Variants in SDK1 observed in about 807,000 individuals in gnomAD.
The protein encoded by SDK1 is sidekick cell adhesion molecule 1.
A neutral mutation model predicts 245.5 loss-of-function variants in SDK1; 157 were observed. The ratio of observed to expected loss-of-function variants is 0.64; its 90% CI spans 0.56 to 0.73. The LOEUF is 0.73. Among genes scored for constraint, SDK1 ranks in the 30% least tolerant of loss-of-function variants. The pLI, the probability that SDK1 is intolerant of heterozygous loss-of-function variation, is 0.00. For missense variants in SDK1, 3,583 were observed against 3,002.3 expected (o/e 1.19, Z -4.52); for synonymous variants, 1,647 against 1,278.5 (o/e 1.29, Z -6.15).
chr7:3,471,714 CAG>C (rs1781188743), intron 1 of SDK1, among the ~76,000 whole-genome samples: 3 of 152,270 alleles, frequency 2.0e-5, no homozygotes, highest in Middle Eastern at 3.4e-3. Context: ...TGTAAAGAAA[CAG>C]AGAAAATACT....
chr7:4,020,924 C>A (rs1583851118), intron 17 of SDK1, among the ~76,000 whole-genome samples: 1 of 152,230 alleles, frequency 6.6e-6, no homozygotes, highest in Non-Finnish European at 1.5e-5. Flanking sequence ...AGACATCACA[C>A]ACATGCCAGC....
chr7:3,596,596 A>C (rs1375827186), intron 1 of SDK1, among the ~76,000 whole-genome samples: 1 of 152,216 alleles, frequency 6.6e-6, no homozygotes, highest in Non-Finnish European at 1.5e-5. Flanking sequence ...AAGTTCCCTC[A>C]GGCCCTTCCA....
intron 5 of SDK1, among the ~76,000 whole-genome samples, chr7:3,847,422 C>T (rs527804376): frequency 2.5e-4 from 38 of 152,186 alleles, no homozygotes; most frequent in African/African-American, 8.2e-4. Context: ...TAGTATTTAC[C>T]GAGGCCTTTA....
At chr7:4,111,300 GATT>G (rs1453733907) in intron 23 of SDK1, among the ~76,000 whole-genome samples, 3 of 152,188 alleles carry the variant, frequency 2.0e-5, no homozygotes, top group Non-Finnish European at 2.9e-5. Flanking sequence ...AGGGTAGGGT[GATT>G]ATGAGCTGTT....
chr7:3,570,717 G>A (rs1780087923), intron 1 of SDK1, among the ~76,000 whole-genome samples: 1 of 152,172 alleles, frequency 6.6e-6, no homozygotes, highest in South Asian at 2.1e-4. Flanking sequence ...CTCACGTAAC[G>A]AGGCCTGTGA....
At chr7:3,880,543 C>CTT (rs5882008) in intron 5 of SDK1, among the ~76,000 whole-genome samples, 1,928 of 92,006 alleles carry the variant, frequency 0.021, 89 homozygotes, top group South Asian at 0.036. Flanking sequence ...ATGCCCTGGT[C>CTT]TTTTTTTTTT....
intron 4 of SDK1, among the ~76,000 whole-genome samples, chr7:3,723,864 G>A (rs1021898051): frequency 7.8e-6 from 1 of 127,680 alleles, no homozygotes; most frequent in Non-Finnish European, 1.6e-5. Flanking sequence ...ACATATACAC[G>A]TGTATATACA....
intron 28 of SDK1, among the ~76,000 whole-genome samples, chr7:4,138,183 G>T (rs1779221757): frequency 6.6e-6 from 1 of 152,214 alleles, no homozygotes; most frequent in Non-Finnish European, 1.5e-5. Context: ...ATGCCGTCGT[G>T]CTTTGCAATC....
intron 4 of SDK1, among the ~76,000 whole-genome samples, chr7:3,776,762 T>C (rs539164376): frequency 6.6e-5 from 10 of 151,908 alleles, no homozygotes; most frequent in Non-Finnish European, 1.3e-4. Context: ...GCCAATAGAA[T>C]AGTTTCCTGG....
intron 4 of SDK1, among the ~76,000 whole-genome samples, chr7:3,792,602 C>G (rs1428423170): frequency 2.0e-5 from 2 of 99,348 alleles, no homozygotes; most frequent in East Asian, 6.2e-4. Flanking sequence ...GCCTTCTCTC[C>G]CTTTCTCCCT....
chr7:4,115,472 A>G (rs1222455097), intron 25 of SDK1, among the ~76,000 whole-genome samples: 1 of 152,200 alleles, frequency 6.6e-6, no homozygotes, highest in Non-Finnish European at 1.5e-5. Context: ...TATTGATGTC[A>G]AACCCTCTTA....
At chr7:3,348,526 C>G (rs186406252) in intron 1 of SDK1, among the ~76,000 whole-genome samples, 10 of 152,142 alleles carry the variant, frequency 6.6e-5, no homozygotes, top group Admixed American at 3.9e-4. Flanking sequence ...AAGATGGGAA[C>G]AGTAGACACT....
intron 1 of SDK1, among the ~76,000 whole-genome samples, chr7:3,311,300 TAGAG>T (rs1779543816): frequency 1.3e-5 from 2 of 152,098 alleles, no homozygotes; most frequent in Non-Finnish European, 2.9e-5. Flanking sequence ...CAGTCTTGCT[TAGAG>T]AGGTAAATAG....
At chr7:3,905,624 A>G (rs985466038) in intron 5 of SDK1, among the ~76,000 whole-genome samples, 1 of 151,486 alleles carries the variant, frequency 6.6e-6, no homozygotes, top group Admixed American at 6.6e-5. Flanking sequence ...TCCTTTATCA[A>G]TTCCAAAGTT....
chr7:3,909,216 G>C (rs1312681233), intron 5 of SDK1, among the ~76,000 whole-genome samples: 2 of 152,170 alleles, frequency 1.3e-5, no homozygotes, highest in Non-Finnish European at 2.9e-5. Context: ...TCATACACCT[G>C]TTTTCCATTA....
intron 17 of SDK1, among the ~76,000 whole-genome samples, chr7:4,029,618 A>G (rs1376577683): frequency 6.6e-6 from 1 of 152,070 alleles, no homozygotes; most frequent in Non-Finnish European, 1.5e-5. Flanking sequence ...ATGGACTCCC[A>G]CTCACATCAC....
intron 1 of SDK1, among the ~76,000 whole-genome samples, chr7:3,518,570 A>G (rs934662587): frequency 6.6e-6 from 1 of 152,188 alleles, no homozygotes; most frequent in Non-Finnish European, 1.5e-5. Flanking sequence ...AGCAACAAAT[A>G]TATGAAAAGT....
At position 3,465,303 on chromosome 7, in the gene SDK1, C is replaced by A. The variant is rs73296760; in HGVS notation, c.299-153777C>A. 8.6e-3 allele frequency among the ~76,000 whole-genome samples: 1,307 copies of A among 152,186 alleles called. 25 individuals carry two copies. The highest frequency in any genetic ancestry group is 0.03 in the African/African-American group (1,230 of 41,500). ...CGTCTAGAGGTCATCATAATTCTCCCCAGCATTTCCATAACACATACAAAT... is the reference window on the plus strand; with the variant it reads ...CGTCTAGAGGTCATCATAATTCTCCACAGCATTTCCATAACACATACAAAT... On this transcript the variant is annotated intron_variant, in intron 1 of 44. Transcript: ENST00000404826.
At chr7:4,086,048 C>T (rs778045224) in intron 22 of SDK1, among the ~76,000 whole-genome samples, 2 of 152,048 alleles carry the variant, frequency 1.3e-5, no homozygotes, top group East Asian at 1.9e-4. Flanking sequence ...TTTCCTTTTT[C>T]TTTTTCTTTC....
Sources: allele counts gnomAD v4.1 joint callset (sites outside exome capture counted in the v4.1 genomes callset), GRCh38; gene constraint gnomAD v4.1.1; transcripts MANE v1.5; gene names NCBI Gene and HGNC (gene_info 2026-07-23, HGNC 2026-07-21).